POC1B: variants seen among roughly 807,000 people sequenced by gnomAD.
The protein encoded by POC1B is POC1 centriolar protein B.
POC1B carries 44 observed loss-of-function variants against 60.6 expected under a neutral mutation model. The observed-to-expected ratio is 0.73, with a 90% CI of 0.57 to 0.93. The LOEUF is 0.93. POC1B is among the 40% of genes least tolerant of loss of function. POC1B has a pLI of 0.00. For missense variants in POC1B, 555 were observed against 572.3 expected, an observed-to-expected ratio of 0.97 and a Z score of 0.31; for synonymous variants, 180 against 198.9, an observed-to-expected ratio of 0.90 and a Z score of 0.80.
chr12:89,520,597 T>C (rs1347984166), intron 2 of POC1B: 2 of 152,152 alleles, frequency 1.3e-5, no homozygotes, highest in Non-Finnish European at 2.9e-5. Flanking sequence ...TGCTAAATAA[T>C]TTACAGAAAC....
In POC1B at chr12:89,425,234, C is replaced by G. The variant is rs201071027; in HGVS notation, c.1259G>C (p.Ser420Thr). The change falls in exon 11 of 12, where the codon AGT (serine) becomes ACT (threonine). Residue 420 changes from serine to threonine, a missense_variant. Ser to Thr is a moderately conservative substitution (Grantham distance 58). Transcript: ENST00000313546. ...TEDMSDLPCE[S>T]QRSIPLAVTD... ...CACAGCGAGAGGTATGCTCCTTTGA[C>G]TTTCACAGGGGAGGTCACTCATGTC... The G allele has an allele frequency of 2.0e-4, 330 of 1,614,166 alleles. No homozygotes were observed. The highest frequency in any genetic ancestry group is 7.4e-4 in the South Asian group (67 of 91,088).
chr12:89,404,375 C>T, the POC1B span, among the ~76,000 whole-genome samples: 43 of 152,114 alleles, frequency 2.8e-4, no homozygotes, highest in Admixed American at 5.9e-4. Flanking sequence ...AAGTGTTTGT[C>T]TTACTAAGGA....
At chr12:89,525,602 G>C in intron 1 of POC1B, 1 of 1,284,706 alleles carries the variant, frequency 7.8e-7, no homozygotes, top group East Asian at 3.1e-5. Flanking sequence ...GCGCTCCACG[G>C]AAACCCTCCG....
chr12:89,488,371 G>C (rs1437922745), intron 4 of POC1B, among the ~76,000 whole-genome samples: 1 of 152,146 alleles, frequency 6.6e-6, no homozygotes, highest in African/African-American at 2.4e-5. Flanking sequence ...TCCCTCTGAT[G>C]ACTGATGTAT....
chr12:89,463,117 T>C (rs1404584936), intron 9 of POC1B, among the ~76,000 whole-genome samples: 1 of 152,192 alleles, frequency 6.6e-6, no homozygotes, highest in Non-Finnish European at 1.5e-5. Context: ...AATATTATTA[T>C]ATAAATATTT....
At chr12:89,438,777 C>G (rs574608309) in intron 10 of POC1B, among the ~76,000 whole-genome samples, 1 of 152,346 alleles carries the variant, frequency 6.6e-6, no homozygotes, top group Admixed American at 6.5e-5. Context: ...GTTGCTGCTT[C>G]AGTTACCACA....
Position 89,507,221 on chromosome 12 carries a change from C to T in POC1B, c.101-9879G>A, listed in dbSNP as rs928332144. 1.0e-4 allele frequency among the ~76,000 whole-genome samples: 14 copies of T among 140,588 alleles called. No homozygotes were observed. In the East Asian group the frequency reaches 1.5e-3, roughly 15 times the overall value. 92.2% of individuals were successfully genotyped at this position (140,588 alleles called of 152,430 possible). A position where few individuals can be genotyped will look rare whatever the true frequency, so the allele number is the denominator to read the frequency against. On this transcript the variant is annotated intron_variant, in intron 2 of 11. Coordinates refer to ENST00000313546, the MANE Select transcript of POC1B (RefSeq NM_172240.3). The stretch of plus-strand genomic sequence containing the variant: ...TAGAGGCTGTACTGAGCCACGATTG[C>T]GCCACTGCACTCCAGCCTGCTCCAG...
Position 89,459,619 on chromosome 12 carries a change from A to AAC in POC1B, c.1113+18_1113+19insGT, listed in dbSNP as rs1882401706. 1 of 1,363,660 alleles carries AAC rather than the reference A, an allele frequency of 7.3e-7. No homozygotes were observed. Among genetic ancestry groups the AAC allele is most frequent in the Non-Finnish European group, 1.0e-6 (1 of 1,004,408 alleles). The allele number at this position is 1,363,660 out of a possible 1,614,324, so 84.5% of individuals were successfully genotyped here. On this transcript the variant is annotated intron_variant, in intron 10 of 11. Transcript: ENST00000313546. ...AATGCCACTTAAGTGTCAAAAAAAAAAAAAAAAACCCGACTTACTGTGGTA... is the reference window on the plus strand; with the variant it reads ...AATGCCACTTAAGTGTCAAAAAAAAAACAAAAAAAACCCGACTTACTGTGGTA...
At chr12:89,480,595 A>ATTTTTTTTTT (rs765505677) in intron 4 of POC1B, among the ~76,000 whole-genome samples, 3 of 69,878 alleles carry the variant, frequency 4.3e-5, no homozygotes, top group African/African-American at 6.1e-5. Context: ...TAATTTTTGT[A>ATTTTTTTTTT]TTTTTTTTTT....
At chr12:89,486,269 TA>T in intron 4 of POC1B, among the ~76,000 whole-genome samples, 1 of 152,250 alleles carries the variant, frequency 6.6e-6, no homozygotes, top group African/African-American at 2.4e-5. Flanking sequence ...CCTAAGCTGA[TA>T]AACAGACCTC....
chr12:89,514,930 A>C (rs1428608623), intron 2 of POC1B, among the ~76,000 whole-genome samples: 2 of 152,082 alleles, frequency 1.3e-5, no homozygotes, highest in African/African-American at 2.4e-5. Flanking sequence ...TTCTCTCCTC[A>C]AAATTTACCA....
At chr12:89,486,703 C>G (rs1868647963) in intron 4 of POC1B, among the ~76,000 whole-genome samples, 1 of 152,154 alleles carries the variant, frequency 6.6e-6, no homozygotes, top group Admixed American at 6.5e-5. Context: ...CTGCAACAGT[C>G]TGCACAAAGG....
intron 10 of POC1B, among the ~76,000 whole-genome samples, chr12:89,432,330 G>A (rs1020407871): frequency 7.4e-6 from 1 of 135,852 alleles, no homozygotes; most frequent in African/African-American, 2.7e-5. Context: ...AGGTTGCAGT[G>A]AGCCCAGATC....
At chr12:89,413,870 ATTTG>A in the POC1B span, among the ~76,000 whole-genome samples, 9 of 151,378 alleles carry the variant, frequency 5.9e-5, no homozygotes, top group Non-Finnish European at 1.2e-4. Flanking sequence ...CCAATTATTT[ATTTG>A]TTTATTTATT....
intron 2 of POC1B, chr12:89,500,701 C>T: frequency 1.4e-6 from 2 of 1,383,438 alleles, no homozygotes; most frequent in South Asian, 1.3e-5. Context: ...CACTTAAAAC[C>T]AAAAAAAGAT....
intron 10 of POC1B, among the ~76,000 whole-genome samples, chr12:89,443,927 C>G (rs1175669584): frequency 2.0e-5 from 3 of 152,092 alleles, no homozygotes; most frequent in Non-Finnish European, 4.4e-5. Flanking sequence ...GGGATATCAC[C>G]ACCAATCCCA....
rs1014356311 is a variant in POC1B at position 89,452,697 on chromosome 12, A to AG, written c.1113+6940dup. Among the ~76,000 whole-genome samples the AG allele has an allele frequency of 1.6e-4, 25 of 152,114 alleles. No homozygotes were observed. In the South Asian group the frequency reaches 2.3e-3, roughly 14 times the overall value. The stretch of plus-strand genomic sequence containing the variant: ...TTATTAAAAAGCATATTTTATTTGA[A>AG]GGGGGGGAAAAGAAGCCTCTGGCTT... On this transcript the variant is annotated intron_variant, in intron 10 of 11. Coordinates refer to ENST00000313546, the MANE Select transcript of POC1B (RefSeq NM_172240.3).
intron 10 of POC1B, among the ~76,000 whole-genome samples, chr12:89,443,220 C>G (rs1792760408): frequency 6.6e-6 from 1 of 152,158 alleles, no homozygotes; most frequent in Admixed American, 6.5e-5. Flanking sequence ...CAAGGATATC[C>G]AGGAATTGAA....
chr12:89,524,060 C>T, intron 2 of POC1B: 2 of 1,613,628 alleles, frequency 1.2e-6, no homozygotes, highest in South Asian at 1.1e-5. Context: ...AAAAGAACTG[C>T]AGGAGAAGTT....
Sources: gnomAD v4.1 joint callset for allele counts (sites outside exome capture counted in the v4.1 genomes callset) on GRCh38, gnomAD v4.1.1 for gene constraint, MANE v1.5 for transcripts, NCBI Gene and HGNC (gene_info 2026-07-23, HGNC 2026-07-21) for gene names.